PRKCH: variants seen among roughly 807,000 people sequenced by gnomAD.
PRKCH encodes the protein protein kinase C eta type.
Under a neutral mutation model 82.5 loss-of-function variants are expected in PRKCH, and 28 were observed. That is an observed-to-expected ratio of 0.34 (90% CI 0.25 to 0.47). The LOEUF (loss-of-function observed/expected upper bound fraction) is 0.47, where lower values mean the gene tolerates loss of function less well. PRKCH is among the 20% of genes least tolerant of loss of function. PRKCH has a pLI of 1.00. For missense variants in PRKCH, 705 were observed against 881.8 expected (o/e 0.80, Z 2.54); for synonymous variants, 322 against 327.4 (o/e 0.98, Z 0.18).
At chr14:61,346,918 C>T (rs753854109) in intron 1 of PRKCH, among the ~76,000 whole-genome samples, 1 of 152,182 alleles carries the variant, frequency 6.6e-6, no homozygotes, top group Non-Finnish European at 1.5e-5. Context: ...TCACATCCAT[C>T]TTTTCATTCC....
At position 61,283,979 on chromosome 14, in the gene PRKCH, G is replaced by C. The variant is rs189893860; in HGVS notation, c.-19+96311G>C. ...TAAAGGAAAGGCTTCTTTTTTAGAT[G>C]TCAGAGAAGTGTGTATCCTGAGGGA... On this transcript the variant is annotated intron_variant, in intron 1 of 3. Coordinates refer to the PRKCH transcript ENST00000555185. 2.0e-5 allele frequency among the ~76,000 whole-genome samples: 3 copies of C among 152,290 alleles called. No homozygotes were observed. In the East Asian group the frequency reaches 5.8e-4, roughly 29 times the overall value.
chr14:61,203,034 CT>C (rs1439709743), intron 1 of PRKCH, among the ~76,000 whole-genome samples: 2 of 152,104 alleles, frequency 1.3e-5, no homozygotes, highest in African/African-American at 2.4e-5. Context: ...ATCTCTCCCC[CT>C]AATTGATTTT....
At chr14:61,474,702 T>C (rs1270835396) in intron 9 of PRKCH, among the ~76,000 whole-genome samples, 4 of 152,214 alleles carry the variant, frequency 2.6e-5, no homozygotes, top group Admixed American at 1.3e-4. Flanking sequence ...ACTTAAAGTA[T>C]AATTTTAAAA....
At chr14:61,489,359 T>C (rs1886362592) in intron 10 of PRKCH, among the ~76,000 whole-genome samples, 1 of 152,234 alleles carries the variant, frequency 6.6e-6, no homozygotes, top group Non-Finnish European at 1.5e-5. Flanking sequence ...TGCAAGTCAC[T>C]GTTAAAGAAA....
At chr14:61,200,595 C>T (rs1047561898) in intron 1 of PRKCH, among the ~76,000 whole-genome samples, 1 of 152,154 alleles carries the variant, frequency 6.6e-6, no homozygotes, top group African/African-American at 2.4e-5. Context: ...ATTCAGCTCA[C>T]AGTGGAATAT....
chr14:61,444,292 C>T (rs1043888671), intron 3 of PRKCH, among the ~76,000 whole-genome samples: 1 of 152,072 alleles, frequency 6.6e-6, no homozygotes, highest in East Asian at 1.9e-4. Context: ...AAAAAATTAG[C>T]AGCCCTGGCG....
At chr14:61,337,203 G>A (rs550942836) in intron 1 of PRKCH, among the ~76,000 whole-genome samples, 1 of 139,590 alleles carries the variant, frequency 7.2e-6, no homozygotes, top group African/African-American at 2.7e-5. Context: ...GAATGTAGTG[G>A]TGTGAACATG....
At chr14:61,409,453 CT>C (rs1043671853) in intron 2 of PRKCH, among the ~76,000 whole-genome samples, 3 of 151,858 alleles carry the variant, frequency 2.0e-5, no homozygotes, top group African/African-American at 7.3e-5. Context: ...TCCTAATACT[CT>C]GGGAGGCTGA....
intron 1 of PRKCH, among the ~76,000 whole-genome samples, chr14:61,313,242 T>C (rs1013406995): frequency 1.3e-5 from 2 of 152,228 alleles, no homozygotes; most frequent in African/African-American, 4.8e-5. Flanking sequence ...CCATACAGTT[T>C]AATAATTTGG....
intron 1 of PRKCH, among the ~76,000 whole-genome samples, chr14:61,223,681 A>G (rs1228567607): frequency 6.6e-6 from 1 of 152,178 alleles, no homozygotes; most frequent in African/African-American, 2.4e-5. Context: ...ATGATGCTGT[A>G]TCTGTATAAC....
intron 1 of PRKCH, among the ~76,000 whole-genome samples, chr14:61,244,621 T>A (rs1173752257): frequency 3.9e-5 from 6 of 152,192 alleles, no homozygotes; most frequent in Non-Finnish European, 8.8e-5. Flanking sequence ...CAGAGGTAAC[T>A]GCCAAAACAC....
intron 1 of PRKCH, among the ~76,000 whole-genome samples, chr14:61,328,725 C>T (rs1011209499): frequency 2.6e-5 from 4 of 151,942 alleles, no homozygotes; most frequent in South Asian, 2.1e-4. Context: ...CTATGGCTTG[C>T]GTCTGTAATC....
chr14:61,303,554 T>C (rs2045462952), intron 1 of PRKCH: 1 of 152,166 alleles, frequency 6.6e-6, no homozygotes, highest in South Asian at 2.1e-4. Context: ...CCTTTTACTT[T>C]CAACCTATCT....
At chr14:61,246,003 C>G (rs2044876711) in intron 1 of PRKCH, among the ~76,000 whole-genome samples, 1 of 152,108 alleles carries the variant, frequency 6.6e-6, no homozygotes, top group African/African-American at 2.4e-5. Context: ...CCAGGTGAGA[C>G]CTGATATAAG....
chr14:61,504,158 G>A (rs1887036732), intron 10 of PRKCH, among the ~76,000 whole-genome samples: 1 of 151,018 alleles, frequency 6.6e-6, no homozygotes, highest in East Asian at 1.9e-4. Context: ...CCCCCTTCAT[G>A]ACCCATTTTA....
chr14:61,476,934 TGTG>T (rs1311697706), intron 9 of PRKCH, among the ~76,000 whole-genome samples: 1 of 152,218 alleles, frequency 6.6e-6, no homozygotes, highest in East Asian at 1.9e-4. Flanking sequence ...TCTTTCTTAA[TGTG>T]GTTAAATTCA....
chr14:61,537,830 G>A (rs1020813015), intron 12 of PRKCH: 3 of 152,268 alleles, frequency 2.0e-5, no homozygotes, highest in Non-Finnish European at 4.4e-5. Flanking sequence ...AAGTGTGTGT[G>A]TATGCATGTG....
chr14:61,512,144 C>T (rs1887404664), intron 10 of PRKCH, among the ~76,000 whole-genome samples: 1 of 151,786 alleles, frequency 6.6e-6, no homozygotes, highest in Non-Finnish European at 1.5e-5. Flanking sequence ...ACAAACTCTA[C>T]GTGAGCATAG....
At chr14:61,337,791 C>G (rs1019068038) in intron 1 of PRKCH, among the ~76,000 whole-genome samples, 4 of 152,194 alleles carry the variant, frequency 2.6e-5, no homozygotes, top group Admixed American at 1.3e-4. Context: ...GTTCTGGGAC[C>G]TAGATCTTTC....
Sources: allele counts gnomAD v4.1 joint callset (sites outside exome capture counted in the v4.1 genomes callset), GRCh38; gene constraint gnomAD v4.1.1; transcripts MANE v1.5; gene names NCBI Gene and HGNC (gene_info 2026-07-23, HGNC 2026-07-21).